Variants in TAPBPL observed in about 807,000 individuals in gnomAD.
TAPBPL encodes tapasin-related protein.
In TAPBPL, 32 loss-of-function variants were observed where a neutral mutation model predicts 44.8. The observed-to-expected ratio is 0.71, with a 90% CI of 0.54 to 0.96. The LOEUF is 0.96. Among genes scored for constraint, TAPBPL ranks in the 40% least tolerant of loss-of-function variants. TAPBPL has a pLI of 0.00. For missense variants in TAPBPL, 520 were observed against 586.6 expected, an observed-to-expected ratio of 0.89 and a Z score of 1.17; for synonymous variants, 230 against 240.7, an observed-to-expected ratio of 0.96 and a Z score of 0.41.
At chr12:6,456,511 G>A (rs1034789805) in intron 3 of TAPBPL, among the ~76,000 whole-genome samples, 1 of 150,712 alleles carries the variant, frequency 6.6e-6, no homozygotes, top group Non-Finnish European at 1.5e-5. Context: ...TTACAGGCAT[G>A]CGCCACGACA....
In TAPBPL at chr12:6,462,136, G is replaced by A. The variant is rs1256141543; in HGVS notation, c.1394G>A (p.Ser465Asn). The A allele has an allele frequency of 1.9e-6, 3 of 1,610,414 alleles. No homozygotes were observed. The highest frequency in any genetic ancestry group is 3.3e-5 in the Admixed American group (2 of 59,854). ...CATGAAGACCGCACAGCGCGTGTAAGCCAGCCCAGCTGACCTAAAGCGACA... is the reference window on the plus strand; with the variant it reads ...CATGAAGACCGCACAGCGCGTGTAAACCAGCCCAGCTGACCTAAAGCGACA... Reference protein sequence around the residue: ...HLHEDRTARVSQPS With the variant: ...HLHEDRTARVNQPS Residue 465 changes from serine (S) to asparagine (N), a missense_variant, in exon 7 of 7, where the codon AGC becomes AAC. By Grantham distance (46) the Ser-to-Asn change is conservative. Coordinates refer to ENST00000266556, the MANE Select transcript of TAPBPL (RefSeq NM_018009.5).
At chr12:6,454,443 G>A (rs1949653775) in intron 3 of TAPBPL, among the ~76,000 whole-genome samples, 2 of 152,240 alleles carry the variant, frequency 1.3e-5, no homozygotes, top group Admixed American at 6.5e-5. Context: ...ACTCCAGCCT[G>A]GGCAGCTGAG....
At chr12:6,452,436 A>C in intron 1 of TAPBPL, 124 bp downstream of exon 1, 4 of 1,381,686 alleles carry the variant, frequency 2.9e-6, no homozygotes, top group East Asian at 2.6e-5. Context: ...TCTAAGCCCA[A>C]CAGGGGAAAG....
At chr12:6,465,118 A>G, downstream of TAPBPL, 1 of 819,086 alleles carries the variant, frequency 1.2e-6, no homozygotes, top group South Asian at 1.6e-5. Context: ...CCAGGGGATC[A>G]TAACCACAGT....
At chr12:6,461,073 G>C (rs565265284) in intron 6 of TAPBPL, 135 bp downstream of exon 6, 53 of 1,484,088 alleles carry the variant, frequency 3.6e-5, no homozygotes, top group Non-Finnish European at 4.5e-5. Context: ...CTGCTTTTGA[G>C]TTTGCCCTAA....
downstream of TAPBPL, chr12:6,465,083 TAGAG>T (rs920341810): frequency 8.3e-7 from 1 of 1,206,854 alleles, no homozygotes; most frequent in Non-Finnish European, 1.1e-6. Flanking sequence ...GCAGGCCTCT[TAGAG>T]AGGCCCTACC....
At chr12:6,465,202 G>A (rs1949973324), downstream of TAPBPL, 1 of 494,346 alleles carries the variant, frequency 2.0e-6, no homozygotes, top group African/African-American at 2.0e-5. Flanking sequence ...GTGTCTTGGG[G>A]CTTTAGAAGG....
In TAPBPL at chr12:6,454,336, C is replaced by A. The variant is rs982490113; in HGVS notation, c.565+620C>A. On this transcript the variant is annotated intron_variant, in intron 3 of 6. Transcript: ENST00000266556. ...TACAGAAATTAGCCGGGCATGATGGCAGGTGCCTGTAATCCCAGCTACTCA... is the reference window on the plus strand; with the variant it reads ...TACAGAAATTAGCCGGGCATGATGGAAGGTGCCTGTAATCCCAGCTACTCA... Among the ~76,000 whole-genome samples the A allele has an allele frequency of 3.3e-5, 5 of 152,174 alleles. No individual in the cohort carries two copies. In the East Asian group the frequency reaches 5.8e-4, roughly 18 times the overall value.
downstream of TAPBPL, among the ~76,000 whole-genome samples, chr12:6,470,181 T>C (rs1036405295): frequency 6.6e-6 from 1 of 152,108 alleles, no homozygotes; most frequent in Non-Finnish European, 1.5e-5. Flanking sequence ...GAAATACCTT[T>C]CGAGTCCCCT....
At chr12:6,452,653 CGGG>C in intron 1 of TAPBPL, 1 of 1,248,780 alleles carries the variant, frequency 8.0e-7, no homozygotes, top group Non-Finnish European at 1.0e-6. Context: ...ACCTTGAAGG[CGGG>C]GGAGGGGAAG....
At chr12:6,470,421 C>T, downstream of TAPBPL, 3 of 1,541,300 alleles carry the variant, frequency 1.9e-6, no homozygotes, top group South Asian at 2.3e-5. Flanking sequence ...TGGTAGTTCC[C>T]CGCGTTGCTG....
downstream of TAPBPL, chr12:6,464,576 C>T: frequency 6.8e-7 from 1 of 1,463,642 alleles, no homozygotes; most frequent in Non-Finnish European, 9.0e-7. Flanking sequence ...ACCAGACATT[C>T]AGGTCTCTCC....
At position 6,457,522 on chromosome 12, in the gene TAPBPL, C is replaced by A. The variant is rs541269313; in HGVS notation, c.682C>A (p.Arg228=). The stretch of plus-strand genomic sequence containing the variant: ...CTTGGACCTCATCAGTGTGGAGTGG[C>A]GACTGCAGCACAAGGGCAGGGGTCA... ...PGLDLISVEW[R]LQHKGRGQLV... The change falls in exon 4 of 7, where the codon CGA becomes AGA. Residue 228 remains arginine, a synonymous_variant. Transcript: ENST00000266556. 6.2e-7 allele frequency: 1 copy of A among 1,614,208 alleles called. No homozygotes were observed. Among genetic ancestry groups the A allele is most frequent in the Non-Finnish European group, 8.5e-7 (1 of 1,180,038 alleles).
At position 6,452,158 on chromosome 12, in the gene TAPBPL, T is replaced by C. The variant is rs1949563732; in HGVS notation, c.-91T>C. Reference sequence around the variant, plus strand: ...AAGGCTGCAGGCTGCCAGGTGTGCTTGGAGAGCCCCCTTCTTCCGCCGGGC... The same window carrying C: ...AAGGCTGCAGGCTGCCAGGTGTGCTCGGAGAGCCCCCTTCTTCCGCCGGGC... On this transcript the variant is annotated 5_prime_UTR_variant, in exon 1 of 7. Coordinates refer to ENST00000266556, the MANE Select transcript of TAPBPL (RefSeq NM_018009.5). 3 of 1,473,646 alleles carry C rather than the reference T, an allele frequency of 2.0e-6. No individual in the cohort carries two copies. The highest frequency in any genetic ancestry group is 1.9e-6 in the Non-Finnish European group (2 of 1,078,314). 91.3% of individuals were successfully genotyped at this position (1,473,646 alleles called of 1,614,324 possible).
downstream of TAPBPL, chr12:6,465,920 A>T: frequency 6.2e-7 from 1 of 1,614,254 alleles, no homozygotes; most frequent in East Asian, 2.2e-5. Flanking sequence ...CCTGCAAGGC[A>T]TCAGCTCGGT....
chr12:6,467,308 C>T (rs1177235884), downstream of TAPBPL, among the ~76,000 whole-genome samples: 2 of 152,154 alleles, frequency 1.3e-5, no homozygotes, highest in Non-Finnish European at 1.5e-5. Context: ...CAGGAAAATG[C>T]GGGAAAGTTT....
At chr12:6,467,861 G>A (rs1307994809), downstream of TAPBPL, among the ~76,000 whole-genome samples, 1 of 152,270 alleles carries the variant, frequency 6.6e-6, no homozygotes, top group South Asian at 2.1e-4. Context: ...CGTGGCTTCA[G>A]AGGGTGGAAG....
At chr12:6,463,669 T>C, downstream of TAPBPL, 1 of 1,087,030 alleles carries the variant, frequency 9.2e-7, no homozygotes, top group Non-Finnish European at 1.1e-6. The surrounding 1 kb of genome is among the most constrained non-coding windows in gnomAD (Gnocchi z 4.0). Context: ...TTTGGCTAGA[T>C]AAAACTACCA....
intron 6 of TAPBPL, chr12:6,461,139 CTG>C (rs1278748200): frequency 7.9e-6 from 11 of 1,400,160 alleles, no homozygotes; most frequent in Middle Eastern, 2.7e-4. Context: ...TCACTAAAGT[CTG>C]TCACTCTCCT....
Sources: gnomAD v4.1 joint callset for allele counts (sites outside exome capture counted in the v4.1 genomes callset) on GRCh38, gnomAD v4.1.1 for gene constraint, Gnocchi (gnomAD v3.1) non-coding constraint, MANE v1.5 for transcripts, NCBI Gene and HGNC (gene_info 2026-07-23, HGNC 2026-07-21) for gene names.